GALNT11: variants seen among roughly 807,000 people sequenced by gnomAD.
GALNT11 encodes polypeptide N-acetylgalactosaminyltransferase 11.
A neutral mutation model predicts 72.7 loss-of-function variants in GALNT11; 47 were observed. The observed-to-expected ratio is 0.65, with a 90% CI of 0.51 to 0.82. The LOEUF is 0.82. Ranked by LOEUF, GALNT11 falls within the 40% of genes least tolerant of loss-of-function variation. GALNT11 has a pLI of 0.00. For synonymous variants in GALNT11, 270 were observed against 286.6 expected (o/e 0.94, Z 0.58); for missense variants, 677 against 778.4 (o/e 0.87, Z 1.55).
At chr7:152,117,517 C>T in intron 9 of GALNT11, 142 bp downstream of exon 9, 2 of 791,068 alleles carry the variant, frequency 2.5e-6, no homozygotes, top group East Asian at 2.6e-5. Context: ...ATTATATTCT[C>T]TTTATGGGAA....
chr7:152,088,961 G>A lies in GALNT11; in HGVS notation c.-38-5229G>A, dbSNP rs753434574. Among the ~76,000 whole-genome samples, 5 of 152,070 alleles carry A rather than the reference G, an allele frequency of 3.3e-5. 1 individual carries two copies. Among genetic ancestry groups the A allele is most frequent in the African/African-American group, 9.7e-5 (4 of 41,398 alleles). The stretch of plus-strand genomic sequence containing the variant: ...TTTGCCAGTGCTTGTGTAGTTGCCC[G>A]ATGGGTTCTTCCTGCCCACTCCACA... On this transcript the variant is annotated intron_variant, in intron 1 of 11. Transcript: ENST00000430044.
chr7:152,091,115 TCGGCTCACTGCAACCTCTGCTCC>T (rs1048365423), intron 1 of GALNT11, among the ~76,000 whole-genome samples: 5 of 96,746 alleles, frequency 5.2e-5, no homozygotes, highest in African/African-American at 2.1e-4. Context: ...TGGTGCGATC[TCGGCTCACTGCAACCTCTGCTCC>T]CGGGTTCAAG....
At chr7:152,110,161 G>A (rs949617937) in intron 6 of GALNT11, among the ~76,000 whole-genome samples, 1 of 152,192 alleles carries the variant, frequency 6.6e-6, no homozygotes, top group Non-Finnish European at 1.5e-5. Context: ...AACTCCCAAC[G>A]TGTGATGTTT....
At chr7:152,073,394 C>T (rs2084777629) in intron 1 of GALNT11, among the ~76,000 whole-genome samples, 1 of 152,172 alleles carries the variant, frequency 6.6e-6, no homozygotes, top group African/African-American at 2.4e-5. Context: ...TGAATGAGAA[C>T]ATGTGGTGTT....
Position 152,121,745 on chromosome 7 carries a change from G to C in GALNT11, c.*68G>C. On this transcript the variant is annotated 3_prime_UTR_variant, in exon 12 of 12. Transcript: ENST00000430044. Reference sequence around the variant, plus strand: ...TCCGGTGTGGAGTTTGGGGCTTTAGGAAAGCCTGGGTTGGGTGGAGCAGAA... The same window carrying C: ...TCCGGTGTGGAGTTTGGGGCTTTAGCAAAGCCTGGGTTGGGTGGAGCAGAA... 6.4e-7 allele frequency: 1 copy of C among 1,561,890 alleles called. No individual in the cohort carries two copies. The highest frequency in any genetic ancestry group is 8.7e-7 in the Non-Finnish European group (1 of 1,149,210).
intron 1 of GALNT11, among the ~76,000 whole-genome samples, chr7:152,032,022 G>A (rs2082325405): frequency 6.6e-6 from 1 of 152,194 alleles, no homozygotes; most frequent in South Asian, 2.1e-4. Flanking sequence ...ATTAGGCCTA[G>A]ATATTTGACC....
chr7:152,081,848 A>G (rs948271576), intron 1 of GALNT11, among the ~76,000 whole-genome samples: 1 of 152,156 alleles, frequency 6.6e-6, no homozygotes, highest in African/African-American at 2.4e-5. Context: ...AGCATCCTAT[A>G]TATACTTTTC....
At chr7:152,121,474 T>G (rs2089429262) in intron 11 of GALNT11, 72 bp from the exon 12 acceptor site, 7 of 1,549,006 alleles carry the variant, frequency 4.5e-6, no homozygotes, top group Non-Finnish European at 6.1e-6. Context: ...TCTTAAGTGC[T>G]CCATCTCTCC....
chr7:152,089,882 T>C (rs1430953877), intron 1 of GALNT11, among the ~76,000 whole-genome samples: 1 of 152,178 alleles, frequency 6.6e-6, no homozygotes, highest in Non-Finnish European at 1.5e-5. Flanking sequence ...AGAGGAACTT[T>C]TTACTTTCTA....
intron 1 of GALNT11, among the ~76,000 whole-genome samples, chr7:152,051,725 C>T (rs1313021066): frequency 1.3e-5 from 2 of 151,894 alleles, no homozygotes; most frequent in African/African-American, 2.4e-5. Context: ...TTGAGATCTA[C>T]TCTGCCTAAG....
At chr7:152,080,063 T>C (rs954299077) in intron 1 of GALNT11, among the ~76,000 whole-genome samples, 2 of 152,230 alleles carry the variant, frequency 1.3e-5, no homozygotes, top group Non-Finnish European at 2.9e-5. Context: ...TGGTAAAAGA[T>C]GGACATTAAA....
chr7:152,072,439 TTTC>T (rs2084711763), intron 1 of GALNT11, among the ~76,000 whole-genome samples: 1 of 152,210 alleles, frequency 6.6e-6, no homozygotes, highest in Non-Finnish European at 1.5e-5. Context: ...TTTCTTCAAG[TTTC>T]TTATTTTATA....
At chr7:152,058,466 T>C (rs954845742) in intron 1 of GALNT11, among the ~76,000 whole-genome samples, 1 of 152,152 alleles carries the variant, frequency 6.6e-6, no homozygotes, top group Non-Finnish European at 1.5e-5. Context: ...CCCGAGTAGC[T>C]GGGACTACAG....
At position 152,083,053 on chromosome 7, in the gene GALNT11, A is replaced by T. The variant is rs185936494; in HGVS notation, c.-38-11137A>T. Among the ~76,000 whole-genome samples, 401 of 152,342 alleles carry T rather than the reference A, an allele frequency of 2.6e-3. 3 individuals carry two copies. Among genetic ancestry groups the T allele is most frequent in the African/African-American group, 9.1e-3 (380 of 41,566 alleles). ...CCAGTAATTGTGGTAATTACATAGC[A>T]ATAGAAAACCAACACTGAGATATTA... On this transcript the variant is annotated intron_variant, in intron 1 of 11. Transcript: ENST00000430044.
chr7:152,054,756 C>T (rs1245892082), intron 1 of GALNT11, among the ~76,000 whole-genome samples: 3 of 151,642 alleles, frequency 2.0e-5, no homozygotes, highest in Admixed American at 1.3e-4. Flanking sequence ...TGGGCTCAAG[C>T]GATCCGCCCA....
At chr7:152,057,648 G>C (rs1298520083) in intron 1 of GALNT11, among the ~76,000 whole-genome samples, 1 of 152,084 alleles carries the variant, frequency 6.6e-6, no homozygotes, top group Non-Finnish European at 1.5e-5. Flanking sequence ...TCTATGTCCT[G>C]ACCCCCGTTC....
chr7:152,047,925 CAT>C (rs2083221826), intron 1 of GALNT11, among the ~76,000 whole-genome samples: 1 of 151,932 alleles, frequency 6.6e-6, no homozygotes, highest in Non-Finnish European at 1.5e-5. Flanking sequence ...CTACTCAAGA[CAT>C]GTATGGCTCA....
intron 1 of GALNT11, among the ~76,000 whole-genome samples, chr7:152,047,755 A>ATTTAGTTCATTTGGTG (rs2083210376): frequency 6.6e-6 from 1 of 151,936 alleles, no homozygotes; most frequent in African/African-American, 2.4e-5. Flanking sequence ...ATAAGTAAAT[A>ATTTAGTTCATTTGGTG]AATATATTTT....
At position 152,110,534 on chromosome 7, in the gene GALNT11, A is replaced by G. The variant is rs768196290; in HGVS notation, c.969A>G (p.Pro323=). Residue 323 remains proline (P), a synonymous_variant, in exon 7 of 12, where the codon CCA becomes CCG. Transcript: ENST00000430044. The part of the protein sequence containing the change: ...AEGATAPIKS[P]TMAGGLFAMN... Reference sequence around the variant, plus strand: ...GTAATTTTCCTTTTTCTAGGTCACCAACAATGGCTGGAGGTTTGTTTGCCA... The same window carrying G: ...GTAATTTTCCTTTTTCTAGGTCACCGACAATGGCTGGAGGTTTGTTTGCCA... 3.1e-6 allele frequency: 5 copies of G among 1,612,864 alleles called. No individual in the cohort carries two copies. The East Asian group carries it at 1.1e-4, about 36-fold the overall frequency.
Sources: gnomAD v4.1 joint callset for allele counts (sites outside exome capture counted in the v4.1 genomes callset) on GRCh38, gnomAD v4.1.1 for gene constraint, MANE v1.5 for transcripts, NCBI Gene and HGNC (gene_info 2026-07-23, HGNC 2026-07-21) for gene names.